Variants in LUZP2 observed in about 807,000 individuals in gnomAD.
The protein encoded by LUZP2 is leucine zipper protein 2.
LUZP2 carries 52 observed loss-of-function variants against 51.6 expected under a neutral mutation model. The observed-to-expected ratio is 1.01, with a 90% CI of 0.81 to 1.27. The LOEUF (loss-of-function observed/expected upper bound fraction) is 1.27. Ranked by LOEUF, LUZP2 falls within the 50% of genes most tolerant of loss-of-function variation. The pLI, the probability that LUZP2 is intolerant of heterozygous loss-of-function variation, is 0.00. For synonymous variants in LUZP2, 154 were observed against 137.3 expected, an observed-to-expected ratio of 1.12 and a Z score of -0.85; for missense variants, 436 against 395.4, an observed-to-expected ratio of 1.10 and a Z score of -0.87.
intron 7 of LUZP2, among the ~76,000 whole-genome samples, chr11:24,916,248 T>G (rs1189733884): frequency 1.3e-5 from 2 of 152,106 alleles, no homozygotes; most frequent in African/African-American, 4.8e-5. Flanking sequence ...TGAGTTACTT[T>G]ATATCCTCCT....
intron 7 of LUZP2, among the ~76,000 whole-genome samples, chr11:24,934,574 C>T (rs1348482646): frequency 6.6e-6 from 1 of 151,720 alleles, no homozygotes; most frequent in East Asian, 1.9e-4. Context: ...TTTTTCCATT[C>T]TCACCAAATT....
intron 9 of LUZP2, among the ~76,000 whole-genome samples, chr11:25,007,143 A>G (rs1044866651): frequency 1.3e-5 from 2 of 152,194 alleles, no homozygotes; most frequent in Non-Finnish European, 2.9e-5. Context: ...CTAGACACAG[A>G]GCACTGATTG....
At chr11:24,907,765 G>A (rs1395138249) in intron 6 of LUZP2, among the ~76,000 whole-genome samples, 1 of 152,052 alleles carries the variant, frequency 6.6e-6, no homozygotes, top group Non-Finnish European at 1.5e-5. Flanking sequence ...GTAAAAATGG[G>A]CTTACCTTTA....
intron 9 of LUZP2, among the ~76,000 whole-genome samples, chr11:25,023,708 T>C (rs1431140884): frequency 6.6e-6 from 1 of 152,188 alleles, no homozygotes; most frequent in Non-Finnish European, 1.5e-5. Context: ...CTTCTCTAGT[T>C]ATTTTAATTG....
chr11:24,987,632 G>T (rs999152561), intron 9 of LUZP2, among the ~76,000 whole-genome samples: 1 of 151,924 alleles, frequency 6.6e-6, no homozygotes, highest in African/African-American at 2.4e-5. Context: ...GTTTAAATGT[G>T]TTGTAAATGC....
At chr11:24,999,529 GAGA>G (rs1306109536) in intron 9 of LUZP2, among the ~76,000 whole-genome samples, 3 of 152,054 alleles carry the variant, frequency 2.0e-5, no homozygotes, top group South Asian at 4.2e-4. Flanking sequence ...AAGAGAAGAT[GAGA>G]AGGAGTGGTA....
At chr11:24,773,723 A>C (rs1848822545) in intron 5 of LUZP2, among the ~76,000 whole-genome samples, 1 of 152,150 alleles carries the variant, frequency 6.6e-6, no homozygotes, top group African/African-American at 2.4e-5. Context: ...AGTAGCATTT[A>C]AAATCTCCAC....
rs141698633 is a variant in LUZP2, at chr11:24,697,614, C to T, written c.63-31555C>T. Among the ~76,000 whole-genome samples, 571 of 152,294 alleles carry T rather than the reference C, an allele frequency of 3.7e-3. 1 individual carries two copies. Among genetic ancestry groups the T allele is most frequent in the African/African-American group, 0.013 (556 of 41,560 alleles). ...TAATAGCTCCTTTCCAAAACTACCTCCCTCTTCATTTGGAAACCAAAACTG... is the reference window on the plus strand; with the variant it reads ...TAATAGCTCCTTTCCAAAACTACCTTCCTCTTCATTTGGAAACCAAAACTG... On this transcript the variant is annotated intron_variant, in intron 1 of 11. Transcript: ENST00000336930.
At chr11:24,785,438 A>C (rs1271805702) in intron 5 of LUZP2, among the ~76,000 whole-genome samples, 1 of 152,054 alleles carries the variant, frequency 6.6e-6, no homozygotes, top group African/African-American at 2.4e-5. Flanking sequence ...TAAATAAAGC[A>C]TGGACCTTGC....
intron 5 of LUZP2, among the ~76,000 whole-genome samples, chr11:24,807,067 T>C (rs1165449937): frequency 6.6e-6 from 1 of 150,440 alleles, no homozygotes; most frequent in Middle Eastern, 3.3e-3. Context: ...CTAGATACTT[T>C]AGACCATGGC....
In LUZP2 at chr11:24,792,595, T is replaced by C. The variant is rs371865655; in HGVS notation, c.396+29287T>C. ...TTATAATCTCTGACCTACAGGAAAATGTAATGAAGTTCATTGAAGTTCGTA... is the reference window on the plus strand; with the variant it reads ...TTATAATCTCTGACCTACAGGAAAACGTAATGAAGTTCATTGAAGTTCGTA... On this transcript the variant is annotated intron_variant, in intron 5 of 11. Transcript: ENST00000336930. 2.0e-4 allele frequency among the ~76,000 whole-genome samples: 30 copies of C among 152,168 alleles called. No homozygotes were observed. In the East Asian group the frequency reaches 4.1e-3, roughly 21 times the overall value.
intron 4 of LUZP2, among the ~76,000 whole-genome samples, chr11:24,760,191 G>C (rs1859931031): frequency 6.6e-6 from 1 of 152,190 alleles, no homozygotes; most frequent in Admixed American, 6.5e-5. Flanking sequence ...GTTAAGATAA[G>C]TGGTTGTGTT....
chr11:24,831,471 C>A (rs144553859), intron 5 of LUZP2, among the ~76,000 whole-genome samples: 1 of 151,926 alleles, frequency 6.6e-6, no homozygotes, highest in East Asian at 1.9e-4. Flanking sequence ...TTTAAAGGAG[C>A]TTTGAAAGAA....
intron 1 of LUZP2, among the ~76,000 whole-genome samples, chr11:24,682,507 A>T (rs1387026578): frequency 5.4e-5 from 2 of 37,306 alleles, no homozygotes; most frequent in Non-Finnish European, 9.8e-5. Flanking sequence ...AAAAAAAAAA[A>T]TGCAAAAATG....
chr11:24,752,999 GCAA>G (rs1565118027), intron 4 of LUZP2, among the ~76,000 whole-genome samples: 1 of 151,892 alleles, frequency 6.6e-6, no homozygotes, highest in Non-Finnish European at 1.5e-5. Context: ...AAAAGAATTG[GCAA>G]CAACATTAAT....
At chr11:24,537,412 A>G (rs1365439586) in intron 1 of LUZP2, among the ~76,000 whole-genome samples, 1 of 151,996 alleles carries the variant, frequency 6.6e-6, no homozygotes, top group Non-Finnish European at 1.5e-5. Flanking sequence ...ACACAAGCCT[A>G]CTGATCTAAA....
At chr11:24,876,592 G>T (rs1010056608) in intron 5 of LUZP2, among the ~76,000 whole-genome samples, 2 of 149,324 alleles carry the variant, frequency 1.3e-5, no homozygotes, top group African/African-American at 4.9e-5. Context: ...CTCTTTTTTG[G>T]TTCCATATGA....
At chr11:24,981,551 G>A in intron 8 of LUZP2, among the ~76,000 whole-genome samples, 1 of 151,726 alleles carries the variant, frequency 6.6e-6, no homozygotes, top group Non-Finnish European at 1.5e-5. Context: ...TGCCTAACCT[G>A]GGAATGCAGC....
intron 9 of LUZP2, among the ~76,000 whole-genome samples, chr11:25,042,563 G>A (rs1365626720): frequency 2.0e-5 from 3 of 152,126 alleles, no homozygotes; most frequent in African/African-American, 7.2e-5. Context: ...TCCTATTGCT[G>A]TTGTAACAAA....
Sources: gnomAD v4.1 joint callset for allele counts (sites outside exome capture counted in the v4.1 genomes callset) on GRCh38, gnomAD v4.1.1 for gene constraint, MANE v1.5 for transcripts, NCBI Gene and HGNC (gene_info 2026-07-23, HGNC 2026-07-21) for gene names.